FSIP1: variants seen among roughly 807,000 people sequenced by gnomAD.
The protein encoded by FSIP1 is fibrous sheath interacting protein 1.
In FSIP1, 65 loss-of-function variants were observed where a neutral mutation model predicts 60.9. The observed-to-expected ratio is 1.07, with a 90% CI of 0.87 to 1.31. The LOEUF (loss-of-function observed/expected upper bound fraction) is 1.31. Among genes scored for constraint, FSIP1 ranks in the 40% most tolerant of loss-of-function variants. FSIP1 has a pLI of 0.00. For missense variants in FSIP1, 675 were observed against 665.5 expected (o/e 1.01, Z -0.16); for synonymous variants, 209 against 221.2 (o/e 0.94, Z 0.49).
At chr15:39,722,041 C>A (rs771737193) in intron 9 of FSIP1, among the ~76,000 whole-genome samples, 1 of 152,050 alleles carries the variant, frequency 6.6e-6, no homozygotes, top group African/African-American at 2.4e-5. Flanking sequence ...AGGAGGTGAG[C>A]GGCAGGCCCA....
chr15:39,729,415 A>C (rs1680696422), intron 8 of FSIP1, among the ~76,000 whole-genome samples: 1 of 152,164 alleles, frequency 6.6e-6, no homozygotes, highest in South Asian at 2.1e-4. Context: ...TTACAAAAAA[A>C]TTTTAAAAAT....
Position 39,741,819 on chromosome 15 carries a change from T to C in FSIP1, c.641A>G (p.Gln214Arg). Reference protein sequence around the residue: ...IPPEEYEMQMQKLNKDFTCDV... With the variant: ...IPPEEYEMQMRKLNKDFTCDV... ...TTTAAATATACCTTTATTGAGTTTC[T>C]GCATCTGCATTTCATATTCTTCTGG... Residue 214 changes from glutamine (Q) to arginine (R), a missense_variant, in exon 6 of 12, where the codon CAG (glutamine) becomes CGG (arginine). Gln to Arg is a conservative substitution (Grantham distance 43, BLOSUM62 1). Transcript: ENST00000350221. 2 of 1,572,368 alleles carry C rather than the reference T, an allele frequency of 1.3e-6. No individual in the cohort carries two copies. Among genetic ancestry groups the C allele is most frequent in the East Asian group, 2.2e-5 (1 of 44,570 alleles).
chr15:39,652,781 C>T (rs935935712), intron 10 of FSIP1, among the ~76,000 whole-genome samples: 1 of 152,066 alleles, frequency 6.6e-6, no homozygotes, highest in African/African-American at 2.4e-5. Flanking sequence ...GCTACAAACC[C>T]GTACAGCATG....
intron 8 of FSIP1, among the ~76,000 whole-genome samples, 153 bp downstream of exon 8, chr15:39,737,938 G>A (rs1348066491): frequency 6.6e-6 from 1 of 152,028 alleles, no homozygotes. Flanking sequence ...TTTGTTATCT[G>A]TTCCTGTGTT....
rs1023870268 is a variant in FSIP1 at position 39,778,905 on chromosome 15, A to C, written c.-7-2374T>G. Among the ~76,000 whole-genome samples the C allele has an allele frequency of 1.3e-5, 2 of 152,172 alleles. 1 individual carries two copies. Among genetic ancestry groups the C allele is most frequent in the Admixed American group, 1.3e-4 (2 of 15,282 alleles). On this transcript the variant is annotated intron_variant, in intron 1 of 11. Coordinates refer to ENST00000350221, the MANE Select transcript of FSIP1 (RefSeq NM_152597.5). ...GAAGGAACATAAAGATAAATTTATA[A>C]ACATAAATGTAAAGATAAATTTCAT...
In FSIP1 at chr15:39,782,583, A is replaced by C. The variant is rs1478696317; in HGVS notation, c.-8+45T>G. On this transcript the variant is annotated intron_variant, in intron 1 of 11. Transcript: ENST00000350221. ...CTCCGCCCCGCCCACTCCTCGGCGCACCGCCCCGCGACCGAGCTCCGCCCT... is the reference window on the plus strand; with the variant it reads ...CTCCGCCCCGCCCACTCCTCGGCGCCCCGCCCCGCGACCGAGCTCCGCCCT... 6 of 146,752 alleles carry C rather than the reference A, an allele frequency of 4.1e-5. No homozygotes were observed. The East Asian group carries it at 1.3e-3, about 31-fold the overall frequency. 9.1% of individuals were successfully genotyped at this position (146,752 alleles called of 1,614,324 possible). A position where few individuals can be genotyped will look rare whatever the true frequency, so the allele number is the denominator to read the frequency against.
At chr15:39,686,466 T>C (rs559053550) in intron 10 of FSIP1, among the ~76,000 whole-genome samples, 1 of 152,398 alleles carries the variant, frequency 6.6e-6, no homozygotes, top group Non-Finnish European at 1.5e-5. Context: ...TATTCTGACT[T>C]TATCGCCCCT....
chr15:39,617,943 A>G lies in FSIP1; in HGVS notation c.1491T>C (p.Leu497=). 1.9e-6 allele frequency: 3 copies of G among 1,614,202 alleles called. No homozygotes were observed. The highest frequency in any genetic ancestry group is 3.3e-5 in the Admixed American group (2 of 60,026). Residue 497 remains leucine, a synonymous_variant, in exon 11 of 12, where the codon CTT becomes CTC. Coordinates refer to ENST00000350221, the MANE Select transcript of FSIP1 (RefSeq NM_152597.5). ...ALTGHNMSEA[L]VTEAENMKCL... Reference sequence around the variant, plus strand: ...ATTTCATATTCTCTGCTTCAGTGACAAGAGCTTCTGACATGTTATGTCCAG... The same window carrying G: ...ATTTCATATTCTCTGCTTCAGTGACGAGAGCTTCTGACATGTTATGTCCAG...
chr15:39,777,540 G>A (rs937792630), intron 1 of FSIP1, among the ~76,000 whole-genome samples: 6 of 152,128 alleles, frequency 3.9e-5, no homozygotes, highest in Non-Finnish European at 8.8e-5. Flanking sequence ...TGCTATTTCC[G>A]GAAGCAAGAA....
intron 4 of FSIP1, among the ~76,000 whole-genome samples, chr15:39,765,234 A>ATTCT (rs1193869444): frequency 1.4e-5 from 2 of 140,408 alleles, no homozygotes; most frequent in African/African-American, 5.3e-5. Flanking sequence ...CTTAGAGGAA[A>ATTCT]TTCTTTCTTT....
chr15:39,612,283 T>G (rs1891063901), intron 11 of FSIP1, among the ~76,000 whole-genome samples: 1 of 152,176 alleles, frequency 6.6e-6, no homozygotes, highest in African/African-American at 2.4e-5. Context: ...CAAGAGGATT[T>G]TAATCATATC....
At chr15:39,651,180 A>G (rs1892852627) in intron 10 of FSIP1, among the ~76,000 whole-genome samples, 1 of 152,226 alleles carries the variant, frequency 6.6e-6, no homozygotes, top group South Asian at 2.1e-4. Context: ...TGAACAACCA[A>G]CCAACCAATT....
intron 11 of FSIP1, among the ~76,000 whole-genome samples, chr15:39,607,520 C>A (rs1396175287): frequency 1.3e-5 from 2 of 152,174 alleles, no homozygotes; most frequent in Non-Finnish European, 2.9e-5. Flanking sequence ...TTTACTGAAC[C>A]TTGTATTCAA....
At chr15:39,604,211 G>A (rs751392162) in intron 11 of FSIP1, among the ~76,000 whole-genome samples, 17 of 152,244 alleles carry the variant, frequency 1.1e-4, no homozygotes, top group Admixed American at 3.9e-4. Flanking sequence ...GATTACAGGC[G>A]TGAGCCACAG....
chr15:39,610,129 T>G (rs1384486389), intron 11 of FSIP1, among the ~76,000 whole-genome samples: 1 of 151,552 alleles, frequency 6.6e-6, no homozygotes, highest in Non-Finnish European at 1.5e-5. Flanking sequence ...CTGAAAAAAA[T>G]GTAGAGCTAT....
At chr15:39,738,255 G>T in intron 7 of FSIP1, 54 bp from the exon 8 acceptor site, 1 of 1,194,844 alleles carries the variant, frequency 8.4e-7, no homozygotes, top group Non-Finnish European at 1.2e-6. Flanking sequence ...TCACAGTTCA[G>T]GAAAAAAAAA....
intron 5 of FSIP1, among the ~76,000 whole-genome samples, chr15:39,756,925 T>A (rs72727083): frequency 0.09 from 13,624 of 152,160 alleles, 720 homozygotes; most frequent in African/African-American, 0.12. Context: ...ACAAGAAGTG[T>A]CTGCAGGGTG....
intron 2 of FSIP1, among the ~76,000 whole-genome samples, chr15:39,772,352 G>A (rs1418258777): frequency 6.6e-6 from 1 of 152,118 alleles, no homozygotes; most frequent in Non-Finnish European, 1.5e-5. Flanking sequence ...GAGTGCAGTG[G>A]CATGATCATG....
rs754329190 is a variant in FSIP1 at position 39,617,809 on chromosome 15, A to C, written c.1625T>G (p.Leu542Arg). The change falls in exon 11 of 12, where the codon CTG (leucine) becomes CGG (arginine). Residue 542 changes from leucine to arginine, a missense_variant. Coordinates refer to ENST00000350221, the MANE Select transcript of FSIP1 (RefSeq NM_152597.5). ...TGAAAGGCTCACACTGATACCATAC[A>C]GTGGATCATCTAAGAAGGAGGGCCT... ...LKRPSFLDDPLYGISVSLSSE... is the reference protein window; with the variant it reads ...LKRPSFLDDPRYGISVSLSSE... The C allele has an allele frequency of 6.2e-7, 1 of 1,613,958 alleles. No individual in the cohort carries two copies. The highest frequency in any genetic ancestry group is 1.3e-5 in the African/African-American group (1 of 74,934).
Sources: allele counts gnomAD v4.1 joint callset (sites outside exome capture counted in the v4.1 genomes callset), GRCh38; gene constraint gnomAD v4.1.1; transcripts MANE v1.5; gene names NCBI Gene and HGNC (gene_info 2026-07-23, HGNC 2026-07-21).